The following CCDC7 variants were observed in gnomAD, a reference collection of about 807,000 sequenced individuals.
The protein encoded by CCDC7 is coiled-coil domain-containing protein 7.
CCDC7 carries 183 observed loss-of-function variants against 196.9 expected under a neutral mutation model. The observed-to-expected ratio is 0.93, with a 90% confidence interval of 0.82 to 1.05. The LOEUF (loss-of-function observed/expected upper bound fraction) is 1.05, where lower values mean the gene tolerates loss of function less well. Among genes scored for constraint, CCDC7 ranks in the 50% least tolerant of loss-of-function variants. CCDC7 has a pLI of 0.00. For missense variants in CCDC7, 1,540 were observed against 1,482.2 expected (o/e 1.04, Z -0.64); for synonymous variants, 525 against 484.6 (o/e 1.08, Z -1.10).
At chr10:32,713,008 C>G (rs774906942) in intron 25 of CCDC7, among the ~76,000 whole-genome samples, 1 of 152,294 alleles carries the variant, frequency 6.6e-6, no homozygotes, top group Admixed American at 6.5e-5. Flanking sequence ...ATTGGTACTA[C>G]GTGCCAGTAG....
At chr10:32,666,954 G>T (rs1591348467) in intron 21 of CCDC7, among the ~76,000 whole-genome samples, 1 of 152,138 alleles carries the variant, frequency 6.6e-6, no homozygotes, top group Non-Finnish European at 1.5e-5. Flanking sequence ...TTGCCACACT[G>T]CCTTCCACAA....
chr10:32,853,939 A>G (rs2136315333), intron 40 of CCDC7, among the ~76,000 whole-genome samples: 1 of 152,274 alleles, frequency 6.6e-6, no homozygotes, highest in Admixed American at 6.5e-5. Context: ...TTACATGGGT[A>G]TACTGCATGA....
At chr10:32,676,933 C>T (rs561675269) in intron 21 of CCDC7, among the ~76,000 whole-genome samples, 163 of 152,138 alleles carry the variant, frequency 1.1e-3, no homozygotes, top group African/African-American at 3.5e-3. Context: ...ATATTTATTG[C>T]GGCACTATTC....
At chr10:32,485,165 T>C (rs1178738830) in intron 8 of CCDC7, among the ~76,000 whole-genome samples, 1 of 152,242 alleles carries the variant, frequency 6.6e-6, no homozygotes, top group East Asian at 1.9e-4. Flanking sequence ...AATTATTGCC[T>C]CAATTTCAGA....
intron 28 of CCDC7, among the ~76,000 whole-genome samples, chr10:32,757,169 C>T (rs888193053): frequency 1.3e-5 from 2 of 152,134 alleles, no homozygotes; most frequent in African/African-American, 4.8e-5. Flanking sequence ...TTTAACACCC[C>T]ACTGTCAACA....
chr10:32,718,902 T>G (rs2082003087), intron 25 of CCDC7, among the ~76,000 whole-genome samples: 1 of 152,224 alleles, frequency 6.6e-6, no homozygotes, highest in South Asian at 2.1e-4. Flanking sequence ...AAACATTCCA[T>G]GCTCATGGAT....
At chr10:32,591,277 C>T (rs1393855464) in intron 18 of CCDC7, among the ~76,000 whole-genome samples, 1 of 151,906 alleles carries the variant, frequency 6.6e-6, no homozygotes, top group Non-Finnish European at 1.5e-5. Flanking sequence ...CCTCTTGAAA[C>T]TCTCTAATTT....
exon 28 of CCDC7, chr10:32,729,345 A>C: frequency 1.3e-6 from 2 of 1,561,502 alleles, no homozygotes; most frequent in Non-Finnish European, 1.7e-6. Context: ...TTCCTTTAGA[A>C]ATCAAAAAAA....
At chr10:32,827,475 C>T (rs1265359243) in intron 32 of CCDC7, among the ~76,000 whole-genome samples, 2 of 152,162 alleles carry the variant, frequency 1.3e-5, no homozygotes, top group African/African-American at 2.4e-5. Context: ...GACTACCATC[C>T]GTGGACTCAC....
At chr10:32,666,936 T>C (rs1451613310) in intron 21 of CCDC7, among the ~76,000 whole-genome samples, 3 of 152,110 alleles carry the variant, frequency 2.0e-5, no homozygotes, top group African/African-American at 7.2e-5. Context: ...TTCTAGATCC[T>C]TGAAGAATTG....
chr10:32,817,354 C>T lies in CCDC7; in HGVS notation c.3181+2901C>T, dbSNP rs533350196. On this transcript the variant is annotated intron_variant, in intron 31 of 41. Transcript: ENST00000639629. ...GGACTACATGAAAAGACCAAATCTA[C>T]GTCTGATTGGTGTACCCGAAAGTGA... 1.7e-3 allele frequency among the ~76,000 whole-genome samples: 262 copies of T among 152,290 alleles called. 1 individual carries two copies. The highest frequency in any genetic ancestry group is 5.8e-3 in the African/African-American group (241 of 41,562).
At chr10:32,866,048 A>G (rs988584045) in intron 41 of CCDC7, among the ~76,000 whole-genome samples, 1 of 151,878 alleles carries the variant, frequency 6.6e-6, no homozygotes, top group African/African-American at 2.4e-5. Flanking sequence ...AGGAATGAGC[A>G]CACCTAGCAC....
intron 20 of CCDC7, 87 bp downstream of exon 21, chr10:32,635,245 T>G (rs1197342767): frequency 5.1e-6 from 2 of 390,202 alleles, no homozygotes; most frequent in Non-Finnish European, 9.0e-6. Context: ...TCTACAACTT[T>G]TTTTGTAATT....
chr10:32,736,269 T>G (rs766096940), intron 28 of CCDC7, among the ~76,000 whole-genome samples: 5 of 152,154 alleles, frequency 3.3e-5, no homozygotes, highest in Non-Finnish European at 5.9e-5. Context: ...ACAAACAATA[T>G]TGAGACTTCC....
chr10:32,496,775 C>T (rs1054380973), intron 9 of CCDC7, among the ~76,000 whole-genome samples: 2 of 152,152 alleles, frequency 1.3e-5, no homozygotes, highest in African/African-American at 4.8e-5. Context: ...TTTTGATGTG[C>T]TTCTGGATTC....
Position 32,637,501 on chromosome 10 carries a change from T to G in CCDC7, c.2014+2343T>G, listed in dbSNP as rs369639546. The stretch of plus-strand genomic sequence containing the variant: ...TTAACTAGGGAATCCTTTCCCCATT[T>G]CTTGTTTTTGTCAGGTTTGTCAAAG... On this transcript the variant is annotated intron_variant, in intron 20 of 41. Coordinates refer to ENST00000639629, the Ensembl canonical transcript of CCDC7. Among the ~76,000 whole-genome samples the G allele has an allele frequency of 2.6e-5, 4 of 152,284 alleles. No homozygotes were observed. The South Asian group carries it at 8.3e-4, about 32-fold the overall frequency.
At chr10:32,689,821 GC>G (rs2076875899) in intron 23 of CCDC7, among the ~76,000 whole-genome samples, 1 of 151,738 alleles carries the variant, frequency 6.6e-6, no homozygotes, top group Non-Finnish European at 1.5e-5. Flanking sequence ...TGCAACCTCC[GC>G]CTCCCGGGCT....
chr10:32,672,168 A>G (rs1460348165), intron 21 of CCDC7, among the ~76,000 whole-genome samples: 1 of 152,132 alleles, frequency 6.6e-6, no homozygotes, highest in Non-Finnish European at 1.5e-5. Context: ...CCCAGGGCAC[A>G]TGCACCTCTG....
chr10:32,578,084 T>C (rs538832504), intron 16 of CCDC7, among the ~76,000 whole-genome samples: 2 of 152,186 alleles, frequency 1.3e-5, no homozygotes, highest in Non-Finnish European at 2.9e-5. Flanking sequence ...AATCTAAAGT[T>C]AGAACTTGTT....
Sources: allele counts gnomAD v4.1 joint callset (sites outside exome capture counted in the v4.1 genomes callset), GRCh38; gene constraint gnomAD v4.1.1; transcripts MANE v1.5; gene names NCBI Gene and HGNC (gene_info 2026-07-23, HGNC 2026-07-21).